The following CATSPERB variants were observed in gnomAD, a reference collection of about 807,000 sequenced individuals.
CATSPERB encodes the protein cation channel sperm-associated auxiliary subunit beta.
CATSPERB carries 93 observed loss-of-function variants against 128.3 expected under a neutral mutation model. That is an observed-to-expected ratio of 0.72 (90% CI 0.61 to 0.86). The LOEUF (loss-of-function observed/expected upper bound fraction) is 0.86. CATSPERB is among the 40% of genes least tolerant of loss of function. CATSPERB has a pLI of 0.00. For synonymous variants in CATSPERB, 381 were observed against 448.8 expected (o/e 0.85, Z 1.91); for missense variants, 1,153 against 1,329.5 (o/e 0.87, Z 2.06).
intron 16 of CATSPERB, among the ~76,000 whole-genome samples, chr14:91,637,212 T>C (rs1894392694): frequency 1.3e-5 from 2 of 152,178 alleles, no homozygotes; most frequent in Admixed American, 1.3e-4. Context: ...AAGGGGCTGC[T>C]GGAGTTGACT....
intron 19 of CATSPERB, among the ~76,000 whole-genome samples, chr14:91,618,700 T>C (rs1893989463): frequency 6.6e-6 from 1 of 152,250 alleles, no homozygotes; most frequent in South Asian, 2.1e-4. Flanking sequence ...TTTGCAACTT[T>C]GCCATACTGA....
At chr14:91,675,179 C>A (rs556577474) in intron 11 of CATSPERB, among the ~76,000 whole-genome samples, 2 of 152,192 alleles carry the variant, frequency 1.3e-5, no homozygotes, top group African/African-American at 4.8e-5. Flanking sequence ...TTGGCCGCAG[C>A]AGTGTGTCAG....
At chr14:91,616,733 CTTT>C (rs1555360386) in intron 20 of CATSPERB, among the ~76,000 whole-genome samples, 2 of 84,500 alleles carry the variant, frequency 2.4e-5, no homozygotes, top group African/African-American at 9.4e-5. Flanking sequence ...AAGTATTCCC[CTTT>C]TTTTTTTTTT....
intron 11 of CATSPERB, among the ~76,000 whole-genome samples, chr14:91,677,366 GA>G (rs1333522514): frequency 6.6e-6 from 1 of 151,574 alleles, no homozygotes; most frequent in Non-Finnish European, 1.5e-5. Flanking sequence ...AAATTTACAA[GA>G]AAAAAAATCC....
At chr14:91,625,041 T>C (rs374916351) in intron 17 of CATSPERB, 34 bp from the exon 18 acceptor site, 3 of 1,407,694 alleles carry the variant, frequency 2.1e-6, no homozygotes, top group Non-Finnish European at 2.9e-6. Context: ...GCAATTTGGA[T>C]AAAACAGTGG....
rs370748866 is a variant in CATSPERB, at chr14:91,704,717, T to C, written c.467-16A>G. On this transcript the variant is annotated splice_polypyrimidine_tract_variant and intron_variant, in intron 6 of 26. Transcript: ENST00000256343. ...AGAATCGGTTCTGTGGAAATCAAAT[T>C]TGGGTGTTTAAATTGTGGGAGCACC... 3.7e-6 allele frequency: 6 copies of C among 1,606,512 alleles called. No individual in the cohort carries two copies. The highest frequency in any genetic ancestry group is 1.3e-5 in the African/African-American group (1 of 74,720).
intron 5 of CATSPERB, among the ~76,000 whole-genome samples, chr14:91,712,787 T>C (rs950323807): frequency 6.6e-6 from 1 of 152,114 alleles, no homozygotes; most frequent in Non-Finnish European, 1.5e-5. Context: ...AAGGTGCACT[T>C]ACACACACAC....
intron 7 of CATSPERB, among the ~76,000 whole-genome samples, chr14:91,699,385 C>T (rs532973579): frequency 6.6e-6 from 1 of 152,070 alleles, no homozygotes; most frequent in African/African-American, 2.4e-5. Flanking sequence ...AGATTCAATG[C>T]AATTCCCATC....
At chr14:91,617,482 T>A (rs751112688) in intron 20 of CATSPERB, 115 bp downstream of exon 20, 19 of 675,096 alleles carry the variant, frequency 2.8e-5, no homozygotes, top group African/African-American at 9.2e-5. Flanking sequence ...TATACTCTTA[T>A]GTGTGTATTT....
intron 22 of CATSPERB, among the ~76,000 whole-genome samples, chr14:91,601,574 G>A (rs1190691736): frequency 6.6e-6 from 1 of 152,068 alleles, no homozygotes; most frequent in African/African-American, 2.4e-5. Flanking sequence ...TCAGGTTCAA[G>A]GTTGAGTTTA....
intron 26 of CATSPERB, among the ~76,000 whole-genome samples, chr14:91,582,195 A>T (rs1566691506): frequency 6.6e-6 from 1 of 152,336 alleles, no homozygotes; most frequent in East Asian, 1.9e-4. Flanking sequence ...TTTGTATAAA[A>T]CACCAGTCTG....
chr14:91,673,486 C>T lies in CATSPERB; in HGVS notation c.979-470G>A, dbSNP rs143453692. Among the ~76,000 whole-genome samples, 717 of 152,314 alleles carry T rather than the reference C, an allele frequency of 4.7e-3. 6 individuals carry two copies. Among genetic ancestry groups the T allele is most frequent in the Admixed American group, 9.8e-3 (150 of 15,306 alleles). On this transcript the variant is annotated intron_variant, in intron 12 of 26. Coordinates refer to ENST00000256343, the MANE Select transcript of CATSPERB (RefSeq NM_024764.4). ...TTGACTCAGTGACTGGCAGTCTATA[C>T]AGCAAGCAGCAGGACCTAGACTGAA...
At chr14:91,668,895 C>T (rs763527141) in intron 14 of CATSPERB, among the ~76,000 whole-genome samples, 1 of 152,218 alleles carries the variant, frequency 6.6e-6, no homozygotes, top group Non-Finnish European at 1.5e-5. Context: ...AGCTGTAACA[C>T]TCACCGCGAG....
chr14:91,668,903 G>A (rs556820595), intron 14 of CATSPERB, among the ~76,000 whole-genome samples: 7 of 152,340 alleles, frequency 4.6e-5, no homozygotes, highest in Non-Finnish European at 7.3e-5. Context: ...CACTCACCGC[G>A]AGGGTCCGCA....
At chr14:91,682,931 T>A (rs1381621062) in intron 11 of CATSPERB, among the ~76,000 whole-genome samples, 1 of 152,184 alleles carries the variant, frequency 6.6e-6, no homozygotes, top group East Asian at 1.9e-4. Flanking sequence ...GTGGCACTAG[T>A]GCATTAAGAC....
intron 7 of CATSPERB, among the ~76,000 whole-genome samples, chr14:91,698,655 T>C (rs915845969): frequency 3.9e-5 from 6 of 152,374 alleles, no homozygotes; most frequent in Non-Finnish European, 2.9e-5. Flanking sequence ...GATCATTATA[T>C]AGCTTTTGCT....
chr14:91,610,311 T>C (rs1210645235), intron 21 of CATSPERB, among the ~76,000 whole-genome samples, 169 bp downstream of exon 21: 1 of 152,220 alleles, frequency 6.6e-6, no homozygotes, highest in African/African-American at 2.4e-5. Context: ...AGAAAGCTTT[T>C]ACAGCTTAGA....
intron 22 of CATSPERB, chr14:91,603,341 C>A: frequency 6.2e-7 from 1 of 1,606,562 alleles, no homozygotes; most frequent in Non-Finnish European, 8.5e-7. Context: ...GTGGTTTCAA[C>A]ACTACATCAG....
intron 14 of CATSPERB, among the ~76,000 whole-genome samples, chr14:91,663,790 AAC>A (rs1595169876): frequency 6.6e-6 from 1 of 152,240 alleles, no homozygotes; most frequent in Non-Finnish European, 1.5e-5. Context: ...TGAGGTAAAA[AAC>A]ACATATCATA....
Sources: gnomAD v4.1 joint callset for allele counts (sites outside exome capture counted in the v4.1 genomes callset) on GRCh38, gnomAD v4.1.1 for gene constraint, MANE v1.5 for transcripts, NCBI Gene and HGNC (gene_info 2026-07-23, HGNC 2026-07-21) for gene names.